The following ZNF831 variants were observed in gnomAD, a reference collection of about 807,000 sequenced individuals.
The protein encoded by ZNF831 is chromosome 20 open reading frame 174.
ZNF831 carries 59 observed loss-of-function variants against 95.8 expected under a neutral mutation model. The ratio of observed to expected loss-of-function variants is 0.62; its 90% confidence interval spans 0.50 to 0.77. ZNF831 has a LOEUF of 0.77. Among genes scored for constraint, ZNF831 ranks in the 30% least tolerant of loss-of-function variants. The pLI is 0.00. For synonymous variants in ZNF831, 961 were observed against 925.5 expected (o/e 1.04, Z -0.70); for missense variants, 2,205 against 2,164.0 (o/e 1.02, Z -0.38).
intron 3 of ZNF831, among the ~76,000 whole-genome samples, chr20:59,197,633 G>A (rs529257128): frequency 5.3e-5 from 8 of 152,258 alleles, no homozygotes; most frequent in South Asian, 2.1e-4. Flanking sequence ...CCTTTCCAGC[G>A]TCCCTCCTTT....
intron 1 of ZNF831, among the ~76,000 whole-genome samples, chr20:59,130,401 C>T (rs1457624757): frequency 1.3e-5 from 2 of 152,158 alleles, no homozygotes; most frequent in Non-Finnish European, 2.9e-5. Flanking sequence ...TTCCAGGGTG[C>T]ACTGAACTGC....
chr20:59,203,089 G>A (rs1033587947), intron 3 of ZNF831, among the ~76,000 whole-genome samples: 28 of 151,940 alleles, frequency 1.8e-4, no homozygotes, highest in African/African-American at 6.8e-4. Context: ...AGTCAAATGG[G>A]GCTGTCTTTT....
intron 2 of ZNF831, among the ~76,000 whole-genome samples, chr20:59,154,427 A>G (rs1980417167): frequency 1.3e-5 from 2 of 152,154 alleles, no homozygotes; most frequent in South Asian, 2.1e-4. Flanking sequence ...AACCCTGTGA[A>G]GCCGAAGCGG....
chr20:59,193,224 TG>T lies in ZNF831; in HGVS notation c.2207del (p.Gly736AlafsTer38). The T allele has an allele frequency of 1.3e-6, 2 of 1,594,064 alleles. No individual in the cohort carries two copies. Among genetic ancestry groups the T allele is most frequent in the Non-Finnish European group, 1.7e-6 (2 of 1,170,242 alleles). Reference protein sequence around the residue: ...EEAVSSPALGGRDSPCSGSRS... With the variant: ...EEAVSSPALGXRDSPCSGSRS... ...AGGCTGTGTCATCCCCTGCACTGGG[TG>T]GCAGAGACAGTCCCTGTTCAGGCAG... On this transcript the variant is annotated frameshift_variant, in exon 2 of 6. Transcript: ENST00000371030. LOFTEE classifies it high-confidence loss of function.
At chr20:59,136,394 G>T (rs761674879) in intron 1 of ZNF831, among the ~76,000 whole-genome samples, 1 of 152,098 alleles carries the variant, frequency 6.6e-6, no homozygotes, top group Non-Finnish European at 1.5e-5. Flanking sequence ...CTTTTGCAGC[G>T]GTACCTAGAT....
At chr20:59,173,880 C>G (rs1981939429) in intron 1 of ZNF831, among the ~76,000 whole-genome samples, 1 of 152,060 alleles carries the variant, frequency 6.6e-6, no homozygotes, top group Non-Finnish European at 1.5e-5. Context: ...CAAGGAAACT[C>G]TATAGGGTAC....
intron 5 of ZNF831, 35 bp from the exon 6 acceptor site, chr20:59,253,863 C>CCT: frequency 9.1e-7 from 1 of 1,096,166 alleles, no homozygotes; most frequent in Non-Finnish European, 1.2e-6. Context: ...TTAACCTCCC[C>CCT]CCCCACTTTT....
chr20:59,196,042 C>T (rs1481481310), intron 3 of ZNF831, 37 bp downstream of exon 3: 2 of 1,604,916 alleles, frequency 1.2e-6, no homozygotes, highest in Non-Finnish European at 1.7e-6. Context: ...TTCCACAAAA[C>T]CCCAAGAAGA....
At chr20:59,222,483 T>TC in intron 4 of ZNF831, among the ~76,000 whole-genome samples, 1 of 149,860 alleles carries the variant, frequency 6.7e-6, no homozygotes, top group East Asian at 1.9e-4. Context: ...GCTCTGTTTT[T>TC]CTCTCTCTCT....
intron 2 of ZNF831, among the ~76,000 whole-genome samples, chr20:59,157,632 CA>C (rs1980611333): frequency 6.6e-6 from 1 of 152,196 alleles, no homozygotes; most frequent in Non-Finnish European, 1.5e-5. Flanking sequence ...AAGGAACAGT[CA>C]TCATTTGGTT....
chr20:59,231,306 C>T (rs1383754574), intron 4 of ZNF831, among the ~76,000 whole-genome samples: 2 of 152,144 alleles, frequency 1.3e-5, no homozygotes, highest in East Asian at 3.8e-4. Flanking sequence ...GCATGCTCTG[C>T]CACATGAGCT....
At chr20:59,215,703 C>T (rs542201710) in intron 4 of ZNF831, among the ~76,000 whole-genome samples, 2 of 152,212 alleles carry the variant, frequency 1.3e-5, no homozygotes, top group African/African-American at 2.4e-5. Flanking sequence ...ACCTTCAGAA[C>T]TTTTGTTGCA....
intron 4 of ZNF831, among the ~76,000 whole-genome samples, chr20:59,252,282 T>A (rs967671182): frequency 6.6e-6 from 1 of 152,196 alleles, no homozygotes; most frequent in Admixed American, 6.5e-5. Context: ...GTCTAGTGCT[T>A]CTTCTCTAGT....
intron 2 of ZNF831, among the ~76,000 whole-genome samples, chr20:59,149,934 C>T (rs572470363): frequency 6.6e-6 from 1 of 152,376 alleles, no homozygotes; most frequent in African/African-American, 2.4e-5. Flanking sequence ...TGGCTGGACC[C>T]CCATCCAACG....
At chr20:59,253,792 A>G (rs2146759276) in intron 5 of ZNF831, 106 bp from the exon 6 acceptor site, 2 of 1,289,532 alleles carry the variant, frequency 1.6e-6, no homozygotes, top group Non-Finnish European at 2.1e-6. Flanking sequence ...AGAATCATTA[A>G]GACCTCAAGA....
chr20:59,192,939 T>A lies in ZNF831; in HGVS notation c.1920T>A (p.His640Gln), dbSNP rs371182902. The A allele has an allele frequency of 3.1e-6, 5 of 1,600,754 alleles. No individual in the cohort carries two copies. In the African/African-American group the frequency reaches 6.7e-5, roughly 21 times the overall value. The change falls in exon 2 of 6, where the codon CAT becomes CAA. Residue 640 changes from histidine (H) to glutamine (Q), a missense_variant. Physicochemically the swap from His to Gln is conservative, Grantham distance 24. Transcript: ENST00000371030. The surrounding 1 kb of genome is among the most constrained non-coding windows in gnomAD (Gnocchi z 5.2). ...ACCAGAAAATGAAAGCCAGTCCCCA[T>A]GGAGGCAAGAAAGCCAGGGAGGTGG... is the stretch of plus-strand genomic sequence containing the variant. ...RIYQKMKASP[H>Q]GGKKAREVGM...
intron 4 of ZNF831, among the ~76,000 whole-genome samples, chr20:59,213,295 TTTTTA>T (rs1985465795): frequency 6.6e-6 from 1 of 152,228 alleles, no homozygotes; most frequent in Admixed American, 6.5e-5. Flanking sequence ...TGGAGGTTTA[TTTTTA>T]TTTTATCGTT....
intron 4 of ZNF831, among the ~76,000 whole-genome samples, chr20:59,242,803 T>A (rs1987405230): frequency 6.6e-6 from 1 of 152,220 alleles, no homozygotes. Context: ...GAACCAGGGC[T>A]GAGGCTTCAT....
intron 3 of ZNF831, 152 bp downstream of exon 3, chr20:59,196,157 C>T (rs1183654467): frequency 9.3e-7 from 1 of 1,079,442 alleles, no homozygotes; most frequent in African/African-American, 1.6e-5. Context: ...TTTCCCACCC[C>T]TTGCAACTCA....
Sources: gnomAD v4.1 joint callset for allele counts (sites outside exome capture counted in the v4.1 genomes callset) on GRCh38, gnomAD v4.1.1 for gene constraint, Gnocchi (gnomAD v3.1) non-coding constraint, MANE v1.5 for transcripts, NCBI Gene and HGNC (gene_info 2026-07-23, HGNC 2026-07-21) for gene names.